ZNF83: variants seen among roughly 807,000 people sequenced by gnomAD.
The protein encoded by ZNF83 is zinc finger protein 83.
For synonymous variants in ZNF83, 209 were observed against 213.0 expected, an observed-to-expected ratio of 0.98 and a Z score of 0.17; for missense variants, 552 against 629.9, an observed-to-expected ratio of 0.88 and a Z score of 1.32.
chr19:52,656,450 T>C (rs1212445554), intron 2 of ZNF83, among the ~76,000 whole-genome samples: 3 of 152,096 alleles, frequency 2.0e-5, no homozygotes, highest in Non-Finnish European at 4.4e-5. Context: ...GCTTCAACTC[T>C]GGAGGCAGAG....
intron 1 of ZNF83, among the ~76,000 whole-genome samples, chr19:52,679,696 G>A (rs1442847260): frequency 2.0e-5 from 3 of 152,108 alleles, no homozygotes; most frequent in Non-Finnish European, 4.4e-5. Flanking sequence ...CCTGGTCCAC[G>A]CTGACAATTC....
intron 2 of ZNF83, among the ~76,000 whole-genome samples, chr19:52,632,879 G>T (rs2061017490): frequency 6.6e-6 from 1 of 151,964 alleles, no homozygotes; most frequent in Non-Finnish European, 1.5e-5. Flanking sequence ...TCTTCCTTCA[G>T]CTTAGTCTCT....
intron 2 of ZNF83, among the ~76,000 whole-genome samples, chr19:52,656,551 G>T (rs1371558172): frequency 6.6e-6 from 1 of 151,694 alleles, no homozygotes; most frequent in Admixed American, 6.6e-5. Flanking sequence ...TGTATATATT[G>T]CAAATAATGT....
chr19:52,629,433 CT>C (rs568928551), intron 2 of ZNF83, among the ~76,000 whole-genome samples: 2,162 of 152,106 alleles, frequency 0.014, 52 homozygotes, highest in African/African-American at 0.047. Flanking sequence ...CATCTGAACT[CT>C]TCCCCTCCTC....
At chr19:52,648,776 A>G (rs1008092596) in intron 3 of ZNF83, among the ~76,000 whole-genome samples, 1 of 152,166 alleles carries the variant, frequency 6.6e-6, no homozygotes, top group Non-Finnish European at 1.5e-5. Flanking sequence ...CTGAGATGAG[A>G]TCAACCTGCT....
intron 1 of ZNF83, among the ~76,000 whole-genome samples, chr19:52,687,160 AAC>A (rs1485302014): frequency 1.3e-5 from 2 of 148,924 alleles, no homozygotes; most frequent in Non-Finnish European, 3.0e-5. Flanking sequence ...CAGCCTGAGC[AAC>A]AAGAGTAAAA....
At chr19:52,623,004 C>T (rs1355145585) in intron 2 of ZNF83, among the ~76,000 whole-genome samples, 2 of 147,240 alleles carry the variant, frequency 1.4e-5, no homozygotes, top group Non-Finnish European at 3.0e-5. Context: ...TACAGGACCT[C>T]CTCTCTCAGG....
intron 3 of ZNF83, among the ~76,000 whole-genome samples, chr19:52,648,054 T>C (rs1600225804): frequency 6.6e-6 from 1 of 151,924 alleles, no homozygotes; most frequent in Non-Finnish European, 1.5e-5. Context: ...GAGCCTCCCT[T>C]TTTGCTGCCC....
intron 2 of ZNF83, among the ~76,000 whole-genome samples, chr19:52,623,016 T>C (rs2060604827): frequency 6.6e-6 from 1 of 152,060 alleles, no homozygotes; most frequent in Non-Finnish European, 1.5e-5. Context: ...TCTCTCAGGA[T>C]CTTGCTTCAA....
intron 1 of ZNF83, among the ~76,000 whole-genome samples, chr19:52,666,618 C>CAAAAA (rs59937542): frequency 3.8e-5 from 4 of 105,798 alleles, no homozygotes; most frequent in African/African-American, 6.7e-5. Context: ...TATCCTAAGT[C>CAAAAA]AAAAAAAAAA....
At chr19:52,683,528 A>ACCCTC (rs1216197668) in intron 1 of ZNF83, among the ~76,000 whole-genome samples, 4 of 82,674 alleles carry the variant, frequency 4.8e-5, no homozygotes, top group African/African-American at 1.5e-4. Context: ...ATCCAAAGGG[A>ACCCTC]AGGGCAAAGT....
chr19:52,619,773 G>C (rs2060465114), intron 2 of ZNF83, among the ~76,000 whole-genome samples: 1 of 152,130 alleles, frequency 6.6e-6, no homozygotes, highest in Non-Finnish European at 1.5e-5. Flanking sequence ...TGTAATCCCA[G>C]CTACATGGGA....
Position 52,643,463 on chromosome 19 carries a change from AGGCTGAGG to A in ZNF83, c.-73-8318_-73-8311del, listed in dbSNP as rs1263740853. On this transcript the variant is annotated intron_variant, in intron 3 of 5. Transcript: ENST00000594682. ...ACTCCTGTAATCCTAGCACGTTGGG[AGGCTGAGG>A]TGGGTGGATCAAGAGGTCAGGAGAT... Among the ~76,000 whole-genome samples, 7 of 55,534 alleles carry A rather than the reference AGGCTGAGG, an allele frequency of 1.3e-4. No individual in the cohort carries two copies. In the East Asian group the frequency reaches 0.015, roughly 120 times the overall value. 36.4% of individuals were successfully genotyped at this position (55,534 alleles called of 152,430 possible).
At chr19:52,683,803 A>C (rs547221818) in intron 1 of ZNF83, among the ~76,000 whole-genome samples, 159 of 152,310 alleles carry the variant, frequency 1.0e-3, no homozygotes, top group Non-Finnish European at 1.9e-3. Flanking sequence ...CATTTGCCCC[A>C]GCCCCTCAGT....
chr19:52,646,376 C>A (rs1329809277), intron 3 of ZNF83, among the ~76,000 whole-genome samples: 2 of 152,074 alleles, frequency 1.3e-5, no homozygotes, highest in African/African-American at 4.8e-5. Flanking sequence ...AATCCCATTT[C>A]TCCAAACAAC....
chr19:52,640,754 TGC>T (rs2061291996), upstream of ZNF83, among the ~76,000 whole-genome samples: 6 of 152,168 alleles, frequency 3.9e-5, no homozygotes, highest in African/African-American at 1.4e-4. Flanking sequence ...GGACTCTGCC[TGC>T]TCAAACAAGG....
At chr19:52,674,627 G>A (rs1331632478) in intron 1 of ZNF83, among the ~76,000 whole-genome samples, 6 of 152,032 alleles carry the variant, frequency 3.9e-5, no homozygotes, top group Non-Finnish European at 8.8e-5. Flanking sequence ...TGCAATAACA[G>A]TAAAAAATTT....
intron 1 of ZNF83, among the ~76,000 whole-genome samples, chr19:52,664,628 C>A (rs1321452659): frequency 1.3e-5 from 2 of 152,056 alleles, no homozygotes; most frequent in Non-Finnish European, 2.9e-5. Flanking sequence ...AGGACAAAAG[C>A]CAGGACTGGG....
intron 2 of ZNF83, among the ~76,000 whole-genome samples, chr19:52,657,102 C>T (rs764186968): frequency 3.3e-4 from 49 of 148,282 alleles, no homozygotes; most frequent in Non-Finnish European, 4.9e-4. Context: ...GGGGACACAG[C>T]GAGACCCTAT....
Sources: allele counts gnomAD v4.1 joint callset (sites outside exome capture counted in the v4.1 genomes callset), GRCh38; gene constraint gnomAD v4.1.1; transcripts MANE v1.5; gene names NCBI Gene and HGNC (gene_info 2026-07-23, HGNC 2026-07-21).